Variants in CCDC14 observed in about 807,000 individuals in gnomAD.
CCDC14 encodes coiled-coil domain-containing protein 14.
In CCDC14, 71 loss-of-function variants were observed where a neutral mutation model predicts 81.4. The ratio of observed to expected loss-of-function variants is 0.87; its 90% CI spans 0.72 to 1.06. The LOEUF is 1.06. CCDC14 is among the 50% of genes least tolerant of loss of function. CCDC14 has a pLI of 0.00. For missense variants in CCDC14, 1,046 were observed against 1,047.3 expected, an observed-to-expected ratio of 1.00 and a Z score of 0.02; for synonymous variants, 332 against 364.8, an observed-to-expected ratio of 0.91 and a Z score of 1.03.
intron 12 of CCDC14, among the ~76,000 whole-genome samples, chr3:123,916,917 C>T (rs987674057): frequency 6.6e-6 from 1 of 151,958 alleles, no homozygotes; most frequent in Non-Finnish European, 1.5e-5. Flanking sequence ...TCTCAGCTCA[C>T]TGCAAGCTCT....
chr3:123,935,505 G>A (rs1187921981), intron 9 of CCDC14, among the ~76,000 whole-genome samples: 1 of 152,130 alleles, frequency 6.6e-6, no homozygotes, highest in African/African-American at 2.4e-5. Flanking sequence ...ATAGTGCCAA[G>A]TTGGAAACAA....
In CCDC14 at chr3:123,947,180, A is replaced by T. The variant is rs1455929685; in HGVS notation, c.824T>A (p.Ile275Asn). 6.2e-7 allele frequency: 1 copy of T among 1,613,998 alleles called. No individual in the cohort carries two copies. The highest frequency in any genetic ancestry group is 1.3e-5 in the African/African-American group (1 of 75,052). The change falls in exon 8 of 13, where the codon ATT becomes AAT. Residue 275 changes from isoleucine to asparagine, a missense_variant. Physicochemically the swap from Ile to Asn is moderately radical, Grantham distance 149. Coordinates refer to ENST00000409697, the MANE Select transcript of CCDC14 (RefSeq NM_001366335.1). ...AAGGCCCAGTTGCTGCAATGTTGGA[A>T]TAGCTGATATGTCAGTTTTGGGCAG... ...CSLPKTDISA[I>N]PTLQQLGLVN...
rs145435180 is a variant in CCDC14, at chr3:123,916,745, T to C, written c.1779-1027A>G. 2.6e-3 allele frequency among the ~76,000 whole-genome samples: 393 copies of C among 152,234 alleles called. 2 individuals are homozygous for C. Among genetic ancestry groups the C allele is most frequent in the African/African-American group, 9.2e-3 (382 of 41,552 alleles). On this transcript the variant is annotated intron_variant, in intron 12 of 12. Transcript: ENST00000409697. The stretch of plus-strand genomic sequence containing the variant: ...ACAATGAAGATTAAATAAGATAAAA[T>C]AATAAGGTATAAAGTATTTAGCACG...
At chr3:123,912,483 C>T (rs985651892), downstream of CCDC14, among the ~76,000 whole-genome samples, 1 of 152,126 alleles carries the variant, frequency 6.6e-6, no homozygotes, top group Non-Finnish European at 1.5e-5. Context: ...AAACTGAAAA[C>T]CTTGGAGTCA....
chr3:123,947,052 G>A lies in CCDC14; in HGVS notation c.952C>T (p.His318Tyr). 6.2e-7 allele frequency: 1 copy of A among 1,613,960 alleles called. No individual in the cohort carries two copies. Among genetic ancestry groups the A allele is most frequent in the Non-Finnish European group, 8.5e-7 (1 of 1,179,886 alleles). ...SLFRSHGKET[H>Y]LDSQTHRSPT... ...CTTCGGTGTGTCTGACTGTCCAGAT[G>A]CGTTTCTTTTCCATGAGATCGAAAA... The change falls in exon 8 of 13, where the codon CAT becomes TAT. Residue 318 changes from histidine to tyrosine, a missense_variant. Physicochemically the swap from His to Tyr is moderately conservative, Grantham distance 83. Coordinates refer to ENST00000409697, the MANE Select transcript of CCDC14 (RefSeq NM_001366335.1).
chr3:123,889,199 CAGGA>C, the CCDC14 span, among the ~76,000 whole-genome samples: 1 of 152,140 alleles, frequency 6.6e-6, no homozygotes, highest in Non-Finnish European at 1.5e-5. Context: ...TACTTGAGGT[CAGGA>C]GTTCAAGACC....
intron 5 of CCDC14, among the ~76,000 whole-genome samples, chr3:123,899,543 T>A (rs1007083157): frequency 6.6e-6 from 1 of 152,224 alleles, no homozygotes; most frequent in Admixed American, 6.5e-5. Context: ...GCCAGAAACC[T>A]GGGTCTTTCT....
downstream of CCDC14, among the ~76,000 whole-genome samples, chr3:123,896,267 T>G (rs1344045395): frequency 6.6e-6 from 1 of 152,184 alleles, no homozygotes; most frequent in Non-Finnish European, 1.5e-5. Flanking sequence ...TTCCCCGGAC[T>G]GCCCTGGGAC....
At chr3:123,887,071 C>T in the CCDC14 span, among the ~76,000 whole-genome samples, 3 of 152,004 alleles carry the variant, frequency 2.0e-5, no homozygotes. Flanking sequence ...TTAATACTAC[C>T]ATCATCAGTT....
chr3:123,910,773 A>C (rs2034427060), downstream of CCDC14, among the ~76,000 whole-genome samples: 1 of 152,132 alleles, frequency 6.6e-6, no homozygotes, highest in Non-Finnish European at 1.5e-5. Context: ...CATGAACTTA[A>C]CACCAACAGA....
rs2034278138 is a variant in CCDC14, at chr3:123,905,076, T to C, written c.668-7463A>G. ...TGGAAGAGTGACACAGAGGTAACAT[T>C]ACACATTAGTGGGGAGCACAAGATG... On this transcript the variant is annotated intron_variant, in intron 5 of 5. Transcript: ENST00000479903. Among the ~76,000 whole-genome samples, 4 of 152,140 alleles carry C rather than the reference T, an allele frequency of 2.6e-5. No homozygotes were observed. The South Asian group carries it at 8.3e-4, about 32-fold the overall frequency.
intron 9 of CCDC14, among the ~76,000 whole-genome samples, chr3:123,939,176 TAG>T (rs916513834): frequency 1.3e-4 from 20 of 151,850 alleles, no homozygotes; most frequent in African/African-American, 4.8e-4. Flanking sequence ...TAGACCACAT[TAG>T]AGATTCTCGG....
In CCDC14 at chr3:123,961,206, G is replaced by GA; in HGVS notation, c.-34dup. On this transcript the variant is annotated 5_prime_UTR_variant, in exon 1 of 13. Transcript: ENST00000409697. Reference sequence around the variant, plus strand: ...CGCCTCAGAGAAGCCCAGACCGAGGGAAGTGAAGCCTCACGGTAAAAAGAA... The same window carrying GA: ...CGCCTCAGAGAAGCCCAGACCGAGGGAAAGTGAAGCCTCACGGTAAAAAGAA... The GA allele has an allele frequency of 6.4e-7, 1 of 1,551,630 alleles. No individual in the cohort carries two copies. The highest frequency in any genetic ancestry group is 8.7e-7 in the Non-Finnish European group (1 of 1,147,006).
rs546652193 is a variant in CCDC14 at position 123,956,305 on chromosome 3, C to T, written c.159+50G>A. 7.2e-5 allele frequency: 100 copies of T among 1,388,000 alleles called. 2 individuals carry two copies. In the Middle Eastern group the frequency reaches 1.4e-3, roughly 19 times the overall value. 86.0% of individuals were successfully genotyped at this position (1,388,000 alleles called of 1,614,324 possible). A position where few individuals can be genotyped will look rare whatever the true frequency, so the allele number is the denominator to read the frequency against. Reference sequence around the variant, plus strand: ...GCATTTTATTCCTACTTTTTAGCTACTATTTGAAAACTAATTAAAATAGTG... The same window carrying T: ...GCATTTTATTCCTACTTTTTAGCTATTATTTGAAAACTAATTAAAATAGTG... On this transcript the variant is annotated intron_variant, in intron 3 of 12. Transcript: ENST00000409697.
chr3:123,944,699 A>G, intron 9 of CCDC14, 150 bp downstream of exon 9: 1 of 541,414 alleles, frequency 1.8e-6, no homozygotes, highest in Non-Finnish European at 3.1e-6. Context: ...GAATGCTGGA[A>G]ATCTCTGAAA....
intron 9 of CCDC14, among the ~76,000 whole-genome samples, chr3:123,944,402 T>C (rs1262928619): frequency 6.6e-6 from 1 of 152,092 alleles, no homozygotes; most frequent in Non-Finnish European, 1.5e-5. Flanking sequence ...CTCTTTTTCC[T>C]AGACAACACA....
At chr3:123,901,612 G>A (rs2034181445) in intron 5 of CCDC14, among the ~76,000 whole-genome samples, 2 of 152,044 alleles carry the variant, frequency 1.3e-5, no homozygotes, top group Admixed American at 1.3e-4. Context: ...TACACACTAT[G>A]GTTAGAGGAG....
At chr3:123,895,499 T>C (rs1315129105), downstream of CCDC14, among the ~76,000 whole-genome samples, 1 of 152,192 alleles carries the variant, frequency 6.6e-6, no homozygotes, top group Admixed American at 6.5e-5. Context: ...AGCTGCACAA[T>C]GGACTCACTT....
intron 5 of CCDC14, among the ~76,000 whole-genome samples, chr3:123,905,450 G>A (rs1429106903): frequency 3.9e-5 from 6 of 152,114 alleles, no homozygotes; most frequent in South Asian, 4.1e-4. Flanking sequence ...CTTGAAGAGC[G>A]GCTAACAACA....
Sources: gnomAD v4.1 joint callset for allele counts (sites outside exome capture counted in the v4.1 genomes callset) on GRCh38, gnomAD v4.1.1 for gene constraint, MANE v1.5 for transcripts, NCBI Gene and HGNC (gene_info 2026-07-23, HGNC 2026-07-21) for gene names.